EBF1: variants seen among roughly 807,000 people sequenced by gnomAD.
EBF1 encodes the protein transcription factor COE1.
A neutral mutation model predicts 68.4 loss-of-function variants in EBF1; 10 were observed. That is an observed-to-expected ratio of 0.15 (90% CI 0.09 to 0.25). The LOEUF is 0.25. EBF1 is among the 10% of genes least tolerant of loss of function. The pLI, the probability that EBF1 is intolerant of heterozygous loss-of-function variation, is 1.00. For synonymous variants in EBF1, 298 were observed against 299.8 expected (o/e 0.99, Z 0.06); for missense variants, 509 against 794.4 (o/e 0.64, Z 4.32).
intron 6 of EBF1, among the ~76,000 whole-genome samples, chr5:159,024,172 G>C (rs1289381473): frequency 6.6e-6 from 1 of 152,042 alleles, no homozygotes; most frequent in African/African-American, 2.4e-5. Flanking sequence ...AGTTTCTAGA[G>C]TTCCAGGAGC....
intron 6 of EBF1, among the ~76,000 whole-genome samples, chr5:159,027,102 AGGG>A: frequency 6.6e-6 from 1 of 152,260 alleles, no homozygotes; most frequent in East Asian, 1.9e-4. Flanking sequence ...AAACAGGAAG[AGGG>A]TATGTCCAGC....
At chr5:158,818,951 G>T in intron 8 of EBF1, among the ~76,000 whole-genome samples, 1 of 145,560 alleles carries the variant, frequency 6.9e-6, no homozygotes, top group Admixed American at 6.8e-5. Context: ...AAAAAAACTA[G>T]ATCTAAAGAA....
intron 6 of EBF1, among the ~76,000 whole-genome samples, chr5:159,040,082 T>C (rs1770873417): frequency 6.6e-6 from 1 of 152,174 alleles, no homozygotes; most frequent in South Asian, 2.1e-4. Context: ...CGTAGATCCA[T>C]TTGTAACTGT....
intron 5 of EBF1, among the ~76,000 whole-genome samples, chr5:159,080,464 A>G (rs927481560): frequency 6.6e-6 from 1 of 152,232 alleles, no homozygotes; most frequent in East Asian, 1.9e-4. Flanking sequence ...AGGTGCTAAA[A>G]GAATAAATGA....
chr5:158,803,568 T>C (rs1402114338), intron 8 of EBF1, among the ~76,000 whole-genome samples: 1 of 152,024 alleles, frequency 6.6e-6, no homozygotes, highest in Non-Finnish European at 1.5e-5. Flanking sequence ...AACTGGATGC[T>C]TTAGAAACCA....
chr5:158,818,217 C>T (rs1292637791), intron 8 of EBF1, among the ~76,000 whole-genome samples: 1 of 152,168 alleles, frequency 6.6e-6, no homozygotes, highest in African/African-American at 2.4e-5. Flanking sequence ...GGAAAAGAGA[C>T]AGGCTCAATT....
chr5:159,091,662 C>A (rs1265231552), intron 4 of EBF1, among the ~76,000 whole-genome samples: 1 of 152,132 alleles, frequency 6.6e-6, no homozygotes, highest in Non-Finnish European at 1.5e-5. Flanking sequence ...GTAGCCATGG[C>A]AGGATATAAT....
intron 8 of EBF1, among the ~76,000 whole-genome samples, chr5:158,809,229 T>C (rs781093033): frequency 5.9e-5 from 9 of 152,200 alleles, no homozygotes; most frequent in Non-Finnish European, 1.3e-4. Context: ...TTATTCTTTA[T>C]ATCAACCTTG....
intron 3 of EBF1, 153 bp downstream of exon 3, chr5:159,096,190 C>G (rs1403354146): frequency 6.2e-6 from 5 of 810,672 alleles, no homozygotes; most frequent in Middle Eastern, 3.7e-4. Flanking sequence ...TCAGGTGAAA[C>G]CTCCTGGGGC....
Position 159,099,223 on chromosome 5 carries a change from C to A in EBF1, c.134+122G>T, listed in dbSNP as rs1273026643. 9 of 691,482 alleles carry A rather than the reference C, an allele frequency of 1.3e-5. No individual in the cohort carries two copies. The South Asian group carries it at 1.9e-4, about 15-fold the overall frequency. 42.8% of individuals were successfully genotyped at this position (691,482 alleles called of 1,614,324 possible). ...AGCCCCGGCGGAGAGCGGAGCGCAG[C>A]GGCTGCGGACTCACCCCGCCGCCCG... On this transcript the variant is annotated intron_variant, in intron 1 of 15. Coordinates refer to ENST00000313708, the MANE Select transcript of EBF1 (RefSeq NM_024007.5).
At chr5:159,057,404 G>A (rs765117580) in intron 6 of EBF1, among the ~76,000 whole-genome samples, 4 of 152,162 alleles carry the variant, frequency 2.6e-5, no homozygotes, top group Non-Finnish European at 5.9e-5. Flanking sequence ...CACCGCGCCT[G>A]ACGGACTGTT....
Position 159,074,905 on chromosome 5 carries a change from T to C in EBF1, c.486-1441A>G, listed in dbSNP as rs75271187. Among the ~76,000 whole-genome samples the C allele has an allele frequency of 5.8e-3, 875 of 151,620 alleles. 22 individuals carry two copies. In the East Asian group the frequency reaches 0.089, roughly 15 times the overall value. On this transcript the variant is annotated intron_variant, in intron 5 of 15. Transcript: ENST00000313708. ...GGATGGAAAAACCAAAGTATCATGA[T>C]ATCTAAGAGACAGATAAAGTAACAA...
chr5:158,796,490 A>G lies in EBF1; in HGVS notation c.779-15T>C. 6.2e-7 allele frequency: 1 copy of G among 1,608,012 alleles called. No individual in the cohort carries two copies. Among genetic ancestry groups the G allele is most frequent in the Non-Finnish European group, 8.5e-7 (1 of 1,176,834 alleles). On this transcript the variant is annotated splice_polypyrimidine_tract_variant and intron_variant, in intron 8 of 15. Coordinates refer to ENST00000313708, the MANE Select transcript of EBF1 (RefSeq NM_024007.5). ...ACAGGGAGTAGCTGCTTTTCAACAC[A>G]CATGAAAAAGAGAAGGAGTCTGCTG...
intron 6 of EBF1, among the ~76,000 whole-genome samples, chr5:159,037,481 A>C (rs1398734057): frequency 1.2e-5 from 1 of 86,452 alleles, no homozygotes; most frequent in Non-Finnish European, 2.4e-5. Context: ...CAGCCATAAA[A>C]AATGATGAGT....
intron 6 of EBF1, among the ~76,000 whole-genome samples, chr5:159,059,955 C>T (rs924516577): frequency 6.6e-6 from 1 of 152,084 alleles, no homozygotes; most frequent in Non-Finnish European, 1.5e-5. Flanking sequence ...GGTCAGCCTG[C>T]CTTGACCTTT....
chr5:158,831,184 G>A (rs928274734), intron 7 of EBF1, among the ~76,000 whole-genome samples: 1 of 152,200 alleles, frequency 6.6e-6, no homozygotes, highest in Middle Eastern at 3.4e-3. Flanking sequence ...TTTTAGGTAG[G>A]AATGAGACAA....
rs869228922 is a variant in EBF1, at chr5:159,094,165, C to CAAAAAAAAAAAAA, written c.411+1442_411+1454dup. Among the ~76,000 whole-genome samples the CAAAAAAAAAAAAA allele has an allele frequency of 3.2e-4, 7 of 21,878 alleles. 1 individual carries two copies. Among genetic ancestry groups the CAAAAAAAAAAAAA allele is most frequent in the African/African-American group, 4.2e-4 (3 of 7,218 alleles). 14.4% of individuals were successfully genotyped at this position (21,878 alleles called of 152,430 possible). ...GCTTTTGTGTTTCTGCCTTGGAAGG[C>CAAAAAAAAAAAAA]AAAAAAAAAAAAAAAAAAAAAAAAA... On this transcript the variant is annotated intron_variant, in intron 4 of 15. Coordinates refer to ENST00000313708, the MANE Select transcript of EBF1 (RefSeq NM_024007.5).
chr5:158,840,893 G>A (rs942129256), intron 6 of EBF1, among the ~76,000 whole-genome samples: 2 of 151,176 alleles, frequency 1.3e-5, no homozygotes, highest in Non-Finnish European at 2.9e-5. Context: ...GGATGGTCTC[G>A]ATCTCCTGAC....
intron 15 of EBF1, among the ~76,000 whole-genome samples, chr5:158,706,719 C>G (rs1757952698): frequency 6.6e-6 from 1 of 152,170 alleles, no homozygotes; most frequent in Admixed American, 6.5e-5. Flanking sequence ...CTTTGTATGG[C>G]TGGGCTTAAG....
Sources: gnomAD v4.1 joint callset for allele counts (sites outside exome capture counted in the v4.1 genomes callset) on GRCh38, gnomAD v4.1.1 for gene constraint, MANE v1.5 for transcripts, NCBI Gene and HGNC (gene_info 2026-07-23, HGNC 2026-07-21) for gene names.